Variants in SLC2A9 observed in about 807,000 individuals in gnomAD.
The protein encoded by SLC2A9 is solute carrier family 2, facilitated glucose transporter member 9.
Under a neutral mutation model 50.6 loss-of-function variants are expected in SLC2A9, and 39 were observed. That is an observed-to-expected ratio of 0.77 (90% CI 0.60 to 1.01). The LOEUF (loss-of-function observed/expected upper bound fraction) is 1.01, where lower values mean the gene tolerates loss of function less well. SLC2A9 is among the 50% of genes least tolerant of loss of function. SLC2A9 has a pLI of 0.00. For missense variants in SLC2A9, 686 were observed against 677.6 expected (o/e 1.01, Z -0.14); for synonymous variants, 324 against 276.9 (o/e 1.17, Z -1.69).
chr4:9,785,249 T>C (rs1719073388), intron 3 of SLC2A9, among the ~76,000 whole-genome samples: 1 of 152,218 alleles, frequency 6.6e-6, no homozygotes, highest in African/African-American at 2.4e-5. Flanking sequence ...TAGATCACTG[T>C]TTACCCAATT....
At chr4:9,782,882 C>A (rs754629025) in intron 3 of SLC2A9, 3 of 1,613,940 alleles carry the variant, frequency 1.9e-6, no homozygotes, top group East Asian at 2.2e-5. Context: ...CACCAGCCTG[C>A]GCGCTTCCAT....
intron 10 of SLC2A9, among the ~76,000 whole-genome samples, chr4:9,862,271 C>T (rs1731777347): frequency 1.3e-5 from 2 of 152,062 alleles, no homozygotes; most frequent in Admixed American, 1.3e-4. Flanking sequence ...ACCAGTTTCC[C>T]TAACCCACCT....
intron 10 of SLC2A9, among the ~76,000 whole-genome samples, chr4:9,861,521 T>C (rs79048870): frequency 1.3e-5 from 2 of 152,148 alleles, no homozygotes; most frequent in Non-Finnish European, 2.9e-5. Flanking sequence ...TATATTTTCA[T>C]GTGTTTACAA....
chr4:9,931,962 C>CTATATA (rs61538689), intron 6 of SLC2A9, among the ~76,000 whole-genome samples: 208 of 14,552 alleles, frequency 0.014, 10 homozygotes, highest in Middle Eastern at 0.029. Flanking sequence ...CTCTCTCTCT[C>CTATATA]TATATATATA....
At chr4:10,024,270 A>G (rs1053523429), upstream of SLC2A9, among the ~76,000 whole-genome samples, 6 of 152,044 alleles carry the variant, frequency 3.9e-5, no homozygotes, top group Non-Finnish European at 7.4e-5. Flanking sequence ...GTGCGTCTCA[A>G]TGGGCTGATT....
At chr4:9,893,083 C>T (rs374307012) in intron 8 of SLC2A9, among the ~76,000 whole-genome samples, 1 of 152,156 alleles carries the variant, frequency 6.6e-6, no homozygotes, top group African/African-American at 2.4e-5. Context: ...CCTACAAAAT[C>T]TTTTCTGTTG....
intron 5 of SLC2A9, among the ~76,000 whole-genome samples, chr4:9,978,595 CAA>C (rs900597531): frequency 9.9e-5 from 15 of 152,152 alleles, no homozygotes; most frequent in African/African-American, 3.6e-4. Flanking sequence ...AAACAAAAAG[CAA>C]AAGAGTCTCT....
At chr4:9,946,495 G>A (rs544723439) in intron 5 of SLC2A9, among the ~76,000 whole-genome samples, 1 of 152,262 alleles carries the variant, frequency 6.6e-6, no homozygotes, top group East Asian at 1.9e-4. Context: ...ATGCTGGCTG[G>A]GCCACTTATG....
At chr4:9,907,966 G>A (rs887476071) in intron 8 of SLC2A9, among the ~76,000 whole-genome samples, 7 of 152,114 alleles carry the variant, frequency 4.6e-5, no homozygotes, top group Admixed American at 2.0e-4. Context: ...TGCCTGCCCC[G>A]GAGGTGTCAG....
At chr4:10,019,413 A>T (rs1763221671) in intron 1 of SLC2A9, 2 of 396,346 alleles carry the variant, frequency 5.0e-6, no homozygotes, top group Non-Finnish European at 9.3e-6. Flanking sequence ...ACCCAGACAG[A>T]AAAAAGCAAA....
At chr4:9,936,258 T>C (rs1376561318) in intron 6 of SLC2A9, among the ~76,000 whole-genome samples, 1 of 152,144 alleles carries the variant, frequency 6.6e-6, no homozygotes, top group Non-Finnish European at 1.5e-5. Flanking sequence ...TACAAAGCAC[T>C]CTGATATCCA....
upstream of SLC2A9, among the ~76,000 whole-genome samples, chr4:10,023,537 G>A (rs999071044): frequency 6.6e-6 from 1 of 152,146 alleles, no homozygotes; most frequent in East Asian, 1.9e-4. Context: ...TCCTCTGTTG[G>A]GTTTGAAAAC....
At chr4:9,805,662 C>T (rs1374820279) in intron 3 of SLC2A9, among the ~76,000 whole-genome samples, 4 of 148,400 alleles carry the variant, frequency 2.7e-5, no homozygotes, top group African/African-American at 5.0e-5. Context: ...CACCACTGCA[C>T]TTCAGCCTGC....
intron 10 of SLC2A9, among the ~76,000 whole-genome samples, chr4:9,865,080 C>A (rs545891625): frequency 6.6e-6 from 1 of 152,206 alleles, no homozygotes; most frequent in Non-Finnish European, 1.5e-5. Flanking sequence ...GAGGTGGAGC[C>A]AGACTGGTCT....
chr4:9,782,835 C>T (rs538877978), intron 3 of SLC2A9: 558 of 1,612,856 alleles, frequency 3.5e-4, no homozygotes, highest in Non-Finnish European at 4.6e-4. Context: ...GCAGAGCACG[C>T]GCAGAGCTGC....
chr4:9,795,258 C>T (rs1560124041), downstream of SLC2A9, among the ~76,000 whole-genome samples: 1 of 152,088 alleles, frequency 6.6e-6, no homozygotes, highest in Non-Finnish European at 1.5e-5. Context: ...GATCCACCTG[C>T]TTCAGCCTTC....
At position 10,028,322 on chromosome 4, in the gene SLC2A9, C is replaced by T. The variant is rs370769581; in HGVS notation, c.-40-2316G>A. On this transcript the variant is annotated intron_variant, in intron 1 of 12. Coordinates refer to the SLC2A9 transcript ENST00000309065. ...AAATGCGAATGCAGCACTCGAGGTCCCCTCAGAATTTCAGTGGTTGAAAAG... is the reference window on the plus strand; with the variant it reads ...AAATGCGAATGCAGCACTCGAGGTCTCCTCAGAATTTCAGTGGTTGAAAAG... Among the ~76,000 whole-genome samples, 59 of 152,334 alleles carry T rather than the reference C, an allele frequency of 3.9e-4. No homozygotes were observed. The East Asian group carries it at 0.011, about 27-fold the overall frequency.
chr4:9,787,278 G>C (rs62293241), intron 3 of SLC2A9, among the ~76,000 whole-genome samples: 6 of 152,204 alleles, frequency 3.9e-5, no homozygotes, highest in Non-Finnish European at 7.3e-5. Context: ...TTCAAGGGGA[G>C]GTGATCAGAC....
chr4:9,901,848 T>C (rs1277599667), intron 8 of SLC2A9, among the ~76,000 whole-genome samples: 1 of 152,108 alleles, frequency 6.6e-6, no homozygotes, highest in Non-Finnish European at 1.5e-5. Flanking sequence ...TCAGCAGAAA[T>C]CAGAAATCAG....
Sources: allele counts gnomAD v4.1 joint callset (sites outside exome capture counted in the v4.1 genomes callset), GRCh38; gene constraint gnomAD v4.1.1; transcripts MANE v1.5; gene names NCBI Gene and HGNC (gene_info 2026-07-23, HGNC 2026-07-21).